The following AVEN variants were observed in gnomAD, a reference collection of about 807,000 sequenced individuals.
AVEN encodes cell death regulator Aven.
A neutral mutation model predicts 38.1 loss-of-function variants in AVEN; 41 were observed. The ratio of observed to expected loss-of-function variants is 1.08; its 90% CI spans 0.84 to 1.40. AVEN has a LOEUF of 1.40. AVEN is among the 40% of genes most tolerant of loss of function. AVEN has a pLI of 0.00. For synonymous variants in AVEN, 206 were observed against 171.8 expected (o/e 1.20, Z -1.56); for missense variants, 605 against 438.8 (o/e 1.38, Z -3.38).
At chr15:33,929,400 G>A (rs1327942395) in intron 2 of AVEN, among the ~76,000 whole-genome samples, 1 of 152,176 alleles carries the variant, frequency 6.6e-6, no homozygotes, top group Non-Finnish European at 1.5e-5. Context: ...ACACTGCATA[G>A]CTGTAGACAG....
chr15:33,922,886 T>TC (rs1350448895), intron 2 of AVEN, among the ~76,000 whole-genome samples: 1 of 152,198 alleles, frequency 6.6e-6, no homozygotes, highest in Non-Finnish European at 1.5e-5. Flanking sequence ...CATCCACAAT[T>TC]CCCTGTAAAA....
At chr15:33,863,582 ACAAACT>A (rs1889312891), downstream of AVEN, among the ~76,000 whole-genome samples, 1 of 152,198 alleles carries the variant, frequency 6.6e-6, no homozygotes, top group Non-Finnish European at 1.5e-5. Context: ...TGTGTCACAG[ACAAACT>A]CAAACCTAAG....
chr15:33,940,703 A>G (rs1224985578), intron 2 of AVEN, among the ~76,000 whole-genome samples: 1 of 152,020 alleles, frequency 6.6e-6, no homozygotes, highest in East Asian at 1.9e-4. Context: ...CACCACGCCC[A>G]GATAATTTTT....
intron 11 of AVEN, chr15:33,859,740 G>C: frequency 1.2e-6 from 2 of 1,601,854 alleles, no homozygotes; most frequent in Non-Finnish European, 1.7e-6. Flanking sequence ...AGGTATGATT[G>C]CCAATTGTGT....
chr15:34,060,154 G>A (rs1477692634), intron 5 of AVEN, among the ~76,000 whole-genome samples: 1 of 152,160 alleles, frequency 6.6e-6, no homozygotes, highest in African/African-American at 2.4e-5. Flanking sequence ...TCTACCTAAT[G>A]ACCTGGCAAC....
intron 2 of AVEN, among the ~76,000 whole-genome samples, chr15:33,886,655 C>T (rs2153039354): frequency 6.6e-6 from 1 of 152,328 alleles, no homozygotes; most frequent in East Asian, 1.9e-4. Flanking sequence ...AACATGTCTA[C>T]TTCCCCTTCC....
chr15:33,875,974 C>CG lies in AVEN; in HGVS notation c.466dup (p.Arg156ProfsTer4). On this transcript the variant is annotated frameshift_variant, in exon 3 of 6. Coordinates refer to ENST00000306730, the MANE Select transcript of AVEN (RefSeq NM_020371.3). LOFTEE classifies it high-confidence loss of function. Reference sequence around the variant, plus strand: ...ATCCCATTCTTTCTCCTCAGCAAACCGGAACTGTGAGAATGAGTCCCCTAG... The same window carrying CG: ...ATCCCATTCTTTCTCCTCAGCAAACCGGGAACTGTGAGAATGAGTCCCCTAG... 6.2e-7 allele frequency: 1 copy of CG among 1,612,876 alleles called. No homozygotes were observed. Among genetic ancestry groups the CG allele is most frequent in the South Asian group, 1.1e-5 (1 of 91,030 alleles).
chr15:33,861,058 C>A (rs988958973), intron 11 of AVEN: 1 of 1,538,944 alleles, frequency 6.5e-7, no homozygotes, highest in Non-Finnish European at 8.9e-7. Context: ...AATGCCTTTT[C>A]TGCCTGTTAT....
intron 1 of AVEN, among the ~76,000 whole-genome samples, chr15:34,007,235 T>C (rs1162308929): frequency 6.6e-6 from 1 of 152,212 alleles, no homozygotes; most frequent in Non-Finnish European, 1.5e-5. Flanking sequence ...TTTTGCAGCT[T>C]TTCCAATAGG....
intron 1 of AVEN, among the ~76,000 whole-genome samples, chr15:34,015,442 ACTGCACTCCAGCCTGG>A (rs1897852228): frequency 3.3e-5 from 5 of 152,250 alleles, no homozygotes; most frequent in African/African-American, 1.2e-4. Flanking sequence ...AGATCGCACC[ACTGCACTCCAGCCTGG>A]GTGACAGAGC....
At chr15:33,915,163 G>A (rs1893080892) in intron 2 of AVEN, among the ~76,000 whole-genome samples, 1 of 152,154 alleles carries the variant, frequency 6.6e-6, no homozygotes, top group Non-Finnish European at 1.5e-5. Flanking sequence ...ATGGTAGATA[G>A]GAGGCAGGAC....
chr15:33,967,396 A>G (rs1003941342), intron 2 of AVEN, among the ~76,000 whole-genome samples: 4 of 152,112 alleles, frequency 2.6e-5, no homozygotes, highest in African/African-American at 9.7e-5. Flanking sequence ...TAGGTGTGAT[A>G]ATGGCACAGG....
intron 2 of AVEN, among the ~76,000 whole-genome samples, chr15:33,987,953 C>T (rs760755757): frequency 5.3e-5 from 8 of 152,200 alleles, no homozygotes; most frequent in Non-Finnish European, 1.0e-4. Context: ...TGACTGTCTA[C>T]ACAAGGAGGT....
intron 5 of AVEN, among the ~76,000 whole-genome samples, chr15:34,058,800 C>A (rs1299706701): frequency 6.6e-6 from 1 of 152,142 alleles, no homozygotes; most frequent in African/African-American, 2.4e-5. Flanking sequence ...CAACTGAGAT[C>A]TTTACAATTG....
downstream of AVEN, among the ~76,000 whole-genome samples, chr15:33,855,519 G>A (rs1372633651): frequency 2.0e-5 from 3 of 152,078 alleles, no homozygotes; most frequent in Non-Finnish European, 4.4e-5. Flanking sequence ...TCTTTTTAAG[G>A]TCTACCCCTT....
chr15:33,857,211 C>T (rs1053484006), downstream of AVEN, among the ~76,000 whole-genome samples: 3 of 145,756 alleles, frequency 2.1e-5, no homozygotes, highest in Non-Finnish European at 4.5e-5. Flanking sequence ...TTCGACAGTT[C>T]TGGAGGCGGT....
chr15:33,914,776 TGTAG>T lies in AVEN; in HGVS notation c.446-38785_446-38782del, dbSNP rs572850294. ...TGAACTCATGATTTTTTTTTAAAAGTGTAGGTAGAGATACATGTATGCATGCATG... is the reference window on the plus strand; with the variant it reads ...TGAACTCATGATTTTTTTTTAAAAGTGTAGAGATACATGTATGCATGCATG... On this transcript the variant is annotated intron_variant, in intron 2 of 5. Coordinates refer to ENST00000306730, the MANE Select transcript of AVEN (RefSeq NM_020371.3). 4.1e-3 allele frequency among the ~76,000 whole-genome samples: 619 copies of T among 151,752 alleles called. 4 individuals carry two copies. Among genetic ancestry groups the T allele is most frequent in the Middle Eastern group, 0.02 (6 of 294 alleles).
intron 1 of AVEN, among the ~76,000 whole-genome samples, chr15:34,014,399 A>G (rs1897786719): frequency 7.3e-6 from 1 of 136,944 alleles, no homozygotes; most frequent in African/African-American, 2.8e-5. Context: ...AACAAAAACC[A>G]CGTTTGAGGA....
intron 2 of AVEN, among the ~76,000 whole-genome samples, chr15:33,946,047 T>A (rs1329345822): frequency 1.3e-5 from 2 of 152,204 alleles, no homozygotes; most frequent in African/African-American, 4.8e-5. Flanking sequence ...CAGTATTCAA[T>A]AAATTCATGG....
Sources: gnomAD v4.1 joint callset for allele counts (sites outside exome capture counted in the v4.1 genomes callset) on GRCh38, gnomAD v4.1.1 for gene constraint, MANE v1.5 for transcripts, NCBI Gene and HGNC (gene_info 2026-07-23, HGNC 2026-07-21) for gene names.